The following DNAH17 variants were observed in gnomAD, a reference collection of about 807,000 sequenced individuals.
The protein encoded by DNAH17 is axonemal beta dynein heavy chain 17.
DNAH17 carries 376 observed loss-of-function variants against 485.6 expected under a neutral mutation model. That is an observed-to-expected ratio of 0.77 (90% CI 0.71 to 0.84). The LOEUF is 0.84. Ranked by LOEUF, DNAH17 falls within the 40% of genes least tolerant of loss-of-function variation. DNAH17 has a pLI of 0.00. For synonymous variants in DNAH17, 3,031 were observed against 2,405.9 expected (o/e 1.26, Z -7.60); for missense variants, 6,370 against 5,839.3 (o/e 1.09, Z -2.96).
chr17:78,571,619 G>A lies in DNAH17; in HGVS notation c.703C>T (p.Leu235=), dbSNP rs2092359388. ...TCATGGATGCACTTGAGGTTCAGCAGCCGAGTGTCCCAGAACTCGAACTCC... is the reference window on the plus strand; with the variant it reads ...TCATGGATGCACTTGAGGTTCAGCAACCGAGTGTCCCAGAACTCGAACTCC... The part of the protein sequence containing the change: ...QVEFEFWDTR[L]LNLKCIHEQL... The change falls in exon 4 of 81, where the codon CTG becomes TTG. Residue 235 remains leucine, a synonymous_variant. Transcript: ENST00000389840. The A allele has an allele frequency of 6.2e-7, 1 of 1,613,856 alleles. No individual in the cohort carries two copies. Among genetic ancestry groups the A allele is most frequent in the African/African-American group, 1.3e-5 (1 of 74,932 alleles).
At chr17:78,468,184 A>T (rs948780684) in intron 55 of DNAH17, among the ~76,000 whole-genome samples, 4 of 152,112 alleles carry the variant, frequency 2.6e-5, no homozygotes, top group Non-Finnish European at 5.9e-5. Flanking sequence ...AAAAAATAAT[A>T]CAAATAAAAA....
intron 26 of DNAH17, among the ~76,000 whole-genome samples, chr17:78,512,898 G>A (rs1456822154): frequency 1.4e-5 from 2 of 140,640 alleles, no homozygotes; most frequent in African/African-American, 2.7e-5. Flanking sequence ...CTGAGATTGT[G>A]TCACTGAACT....
Position 78,571,590 on chromosome 17 carries a change from C to T in DNAH17, c.732G>A (p.Gln244=). ...RLLNLKCIHE[Q]LNRPKVNKIV... ...CCCCACAGGAGAGAGGAGGCCGTAC[C>T]TGTTCATGGATGCACTTGAGGTTCA... Residue 244 remains glutamine (Q), a splice_region_variant and synonymous_variant, in exon 4 of 81, where the codon CAG becomes CAA. Transcript: ENST00000389840. 6.2e-7 allele frequency: 1 copy of T among 1,613,874 alleles called. No individual in the cohort carries two copies.
At chr17:78,540,322 C>G (rs1340540843) in intron 17 of DNAH17, among the ~76,000 whole-genome samples, 1 of 134,024 alleles carries the variant, frequency 7.5e-6, no homozygotes, top group Non-Finnish European at 1.6e-5. Context: ...AGGCCTAGCA[C>G]AGAGCAGGGG....
At chr17:78,474,042 ACAGC>A (rs1383272232) in intron 54 of DNAH17, among the ~76,000 whole-genome samples, 1 of 152,242 alleles carries the variant, frequency 6.6e-6, no homozygotes, top group East Asian at 1.9e-4. Context: ...AAGGCAGAGA[ACAGC>A]CAGCCAGAAA....
At chr17:78,529,873 C>T (rs2091183356) in intron 21 of DNAH17, among the ~76,000 whole-genome samples, 179 bp from the exon 22 acceptor site, 1 of 152,282 alleles carries the variant, frequency 6.6e-6, no homozygotes, top group Non-Finnish European at 1.5e-5. Flanking sequence ...TCAGCCCCTG[C>T]CCAGACATCA....
rs771707883 is a variant in DNAH17 at position 78,530,369 on chromosome 17, C to T, written c.3258G>A (p.Arg1086=). ...TGTTGGTGACGTGGTTGCTCAGGTGCCGCTTGAACATGAAGCCCCAGCGCC... is the reference window on the plus strand; with the variant it reads ...TGTTGGTGACGTGGTTGCTCAGGTGTCGCTTGAACATGAAGCCCCAGCGCC... ...TIRRWGFMFK[R]HLSNHVTNSL... Residue 1086 remains arginine (R), a synonymous_variant, in exon 21 of 81, where the codon CGG becomes CGA. Coordinates refer to ENST00000389840, the MANE Select transcript of DNAH17 (RefSeq NM_173628.4). 5.0e-6 allele frequency: 8 copies of T among 1,611,504 alleles called. No individual in the cohort carries two copies. The highest frequency in any genetic ancestry group is 5.9e-6 in the Non-Finnish European group (7 of 1,178,100).
At chr17:78,435,490 C>T (rs1319906637) in intron 74 of DNAH17, among the ~76,000 whole-genome samples, 1 of 152,186 alleles carries the variant, frequency 6.6e-6, no homozygotes, top group Non-Finnish European at 1.5e-5. Context: ...ACCTCCCCAA[C>T]CAGAGATGGG....
intron 63 of DNAH17, among the ~76,000 whole-genome samples, chr17:78,454,907 G>T (rs910708263): frequency 2.0e-5 from 3 of 151,446 alleles, no homozygotes; most frequent in Non-Finnish European, 4.4e-5. Context: ...CAGCAACACC[G>T]GGCCACGTTT....
At chr17:78,524,319 G>C (rs1438393156) in intron 25 of DNAH17, among the ~76,000 whole-genome samples, 3 of 152,054 alleles carry the variant, frequency 2.0e-5, no homozygotes, top group African/African-American at 7.2e-5. Flanking sequence ...CGTATTTTTC[G>C]TAGAGACGGG....
intron 69 of DNAH17, among the ~76,000 whole-genome samples, chr17:78,449,209 C>T (rs1475724414): frequency 6.6e-6 from 1 of 152,116 alleles, no homozygotes; most frequent in African/African-American, 2.4e-5. Context: ...TGCCAGCTTC[C>T]CAAATATCAA....
rs1012074651 is a variant in DNAH17 at position 78,530,491 on chromosome 17, A to G, written c.3136T>C (p.Tyr1046His). Residue 1046 changes from tyrosine (Y) to histidine (H), a missense_variant, in exon 21 of 81, where the codon TAT becomes CAT. Transcript: ENST00000389840. Reference protein sequence around the residue: ...QEQIDSYEKLYEEVSKCENTK... With the variant: ...QEQIDSYEKLHEEVSKCENTK... ...TTCTCGCACTTGGACACCTCCTCAT[A>G]CAGCTTCTCGTAGGAGTCGATCTGG... 2.5e-6 allele frequency: 4 copies of G among 1,609,484 alleles called. No homozygotes were observed. In the African/African-American group the frequency reaches 5.3e-5, roughly 22 times the overall value.
At chr17:78,449,990 G>A in intron 68 of DNAH17, 1 of 527,882 alleles carries the variant, frequency 1.9e-6, no homozygotes, top group Non-Finnish European at 3.4e-6. Context: ...AGTTTGTTTT[G>A]ATTGGGTTGT....
intron 16 of DNAH17, among the ~76,000 whole-genome samples, chr17:78,548,000 C>A (rs2091811077): frequency 6.6e-6 from 1 of 152,156 alleles, no homozygotes; most frequent in African/African-American, 2.4e-5. Flanking sequence ...TTTCCCTTTG[C>A]ATATTAGCAA....
rs201020434 is a variant in DNAH17, at chr17:78,551,612, G to T, written c.2314C>A (p.Arg772=). The change falls in exon 16 of 81, where the codon CGA becomes AGA. Residue 772 remains arginine (R), a synonymous_variant. Coordinates refer to ENST00000389840, the MANE Select transcript of DNAH17 (RefSeq NM_173628.4). ...TTCTGCAAGTTGTGCAGAATTTCTC[G>T]CACCTCTTGAATGTACTGAAACACA... ...EGVFQYIQEV[R]EILHNLQNRM... 17 of 1,613,732 alleles carry T rather than the reference G, an allele frequency of 1.1e-5. No individual in the cohort carries two copies. Among genetic ancestry groups the T allele is most frequent in the Non-Finnish European group, 1.4e-5 (17 of 1,179,856 alleles).
At chr17:78,471,051 C>T (rs896309255) in intron 54 of DNAH17, among the ~76,000 whole-genome samples, 1 of 152,080 alleles carries the variant, frequency 6.6e-6, no homozygotes, top group Non-Finnish European at 1.5e-5. Flanking sequence ...TGTGTATTTC[C>T]AGCGTTTTGG....
chr17:78,514,141 C>G (rs2090712245), intron 26 of DNAH17, among the ~76,000 whole-genome samples: 1 of 152,114 alleles, frequency 6.6e-6, no homozygotes, highest in South Asian at 2.1e-4. Context: ...AACATGCAAC[C>G]TACAACCAGA....
At chr17:78,451,376 A>C (rs747957926) in intron 66 of DNAH17, 93 bp downstream of exon 66, 38 of 1,198,454 alleles carry the variant, frequency 3.2e-5, no homozygotes, top group Non-Finnish European at 4.3e-5. Flanking sequence ...CACACACTGG[A>C]CTGGCAGCCC....
rs151003628 is a variant in DNAH17 at position 78,517,408 on chromosome 17, A to G, written c.3865-2386T>C. 2.3e-3 allele frequency among the ~76,000 whole-genome samples: 345 copies of G among 152,364 alleles called. 1 individual carries two copies. Among genetic ancestry groups the G allele is most frequent in the African/African-American group, 7.5e-3 (310 of 41,586 alleles). ...AGAGTTCAACTATTTTTGAAAACAG[A>G]TGAGTGACGAGGAGACAGAAAGGCA... On this transcript the variant is annotated intron_variant, in intron 25 of 80. Coordinates refer to ENST00000389840, the MANE Select transcript of DNAH17 (RefSeq NM_173628.4).
Sources: gnomAD v4.1 joint callset for allele counts (sites outside exome capture counted in the v4.1 genomes callset) on GRCh38, gnomAD v4.1.1 for gene constraint, MANE v1.5 for transcripts, NCBI Gene and HGNC (gene_info 2026-07-23, HGNC 2026-07-21) for gene names.